NFX1: variants seen among roughly 807,000 people sequenced by gnomAD.
NFX1 encodes transcriptional repressor NF-X1.
A neutral mutation model predicts 137.2 loss-of-function variants in NFX1; 69 were observed. That is an observed-to-expected ratio of 0.50 (90% CI 0.41 to 0.61). The LOEUF is 0.61. Among genes scored for constraint, NFX1 ranks in the 20% least tolerant of loss-of-function variants. NFX1 has a pLI of 0.00. For synonymous variants in NFX1, 495 were observed against 474.1 expected (o/e 1.04, Z -0.57); for missense variants, 1,167 against 1,391.0 (o/e 0.84, Z 2.56).
chr9:33,317,168 C>T (rs1378751524), intron 7 of NFX1, among the ~76,000 whole-genome samples: 1 of 151,864 alleles, frequency 6.6e-6, no homozygotes, highest in Non-Finnish European at 1.5e-5. Context: ...CCTGTAATCC[C>T]AGCACTTTAG....
Position 33,318,979 on chromosome 9 carries a change from G to A in NFX1, c.1758G>A (p.Arg586=), listed in dbSNP as rs144117681. The change falls in exon 9 of 24, where the codon CGG becomes CGA. Residue 586 remains arginine, a synonymous_variant. Transcript: ENST00000379540. ...CTCAGCCCTGCCAGCAATGCCCACGGCTCCCCCAGCTGGTGCGCTGTTGCC... is the reference window on the plus strand; with the variant it reads ...CTCAGCCCTGCCAGCAATGCCCACGACTCCCCCAGCTGGTGCGCTGTTGCC... ...CHPQPCQQCP[R]LPQLVRCCPC... 178 of 1,614,216 alleles carry A rather than the reference G, an allele frequency of 1.1e-4. No individual in the cohort carries two copies. Among genetic ancestry groups the A allele is most frequent in the Admixed American group, 1.5e-4 (9 of 60,022 alleles).
Position 33,351,667 on chromosome 9 carries a change from G to A in NFX1, c.2532G>A (p.Gly844=), listed in dbSNP as rs927431676. The A allele has an allele frequency of 5.6e-6, 9 of 1,613,970 alleles. No homozygotes were observed. The highest frequency in any genetic ancestry group is 7.6e-6 in the Non-Finnish European group (9 of 1,180,014). ...MHKCQRLCHK[G]ECLVDEPCKQ... The stretch of plus-strand genomic sequence containing the variant: ...AATGTCAGAGACTCTGTCACAAAGG[G>A]GAGTGTCTTGTGGATGAGCCCTGCA... Residue 844 remains glycine (G), a synonymous_variant, in exon 16 of 24, where the codon GGG becomes GGA. Transcript: ENST00000379540.
chr9:33,318,752 C>G lies in NFX1; in HGVS notation c.1610C>G (p.Ser537Cys). 6.2e-7 allele frequency: 1 copy of G among 1,614,112 alleles called. No individual in the cohort carries two copies. Among genetic ancestry groups the G allele is most frequent in the Non-Finnish European group, 8.5e-7 (1 of 1,180,026 alleles). ...LNQVCYCGST[S>C]RDVLCGTDVG... ...CAAGTATGCTATTGCGGCAGCACCT[C>G]CCGAGATGTGTTATGTGGAACCGAT... Residue 537 changes from serine (S) to cysteine (C), a missense_variant, in exon 8 of 24, where the codon TCC becomes TGC. This residue lies in a region of NFX1 where 488 missense variants were observed against 691.5 expected (regional missense o/e 0.71). Coordinates refer to ENST00000379540, the MANE Select transcript of NFX1 (RefSeq NM_002504.6).
intron 15 of NFX1, among the ~76,000 whole-genome samples, chr9:33,350,055 A>G (rs960572247): frequency 2.6e-5 from 4 of 152,036 alleles, no homozygotes; most frequent in African/African-American, 9.7e-5. Flanking sequence ...TGTAATCCCA[A>G]CACTTTGATA....
chr9:33,339,404 A>G (rs1051491187), intron 12 of NFX1, among the ~76,000 whole-genome samples: 3 of 152,186 alleles, frequency 2.0e-5, no homozygotes, highest in African/African-American at 7.2e-5. Context: ...AGACTTATTC[A>G]CTATCACGAG....
At chr9:33,301,590 C>T (rs1292846671) in intron 3 of NFX1, among the ~76,000 whole-genome samples, 169 bp downstream of exon 3, 1 of 152,104 alleles carries the variant, frequency 6.6e-6, no homozygotes, top group African/African-American at 2.4e-5. Flanking sequence ...AGTTATAGAT[C>T]TTAAATAAAC....
chr9:33,339,539 G>A (rs1314754118), intron 12 of NFX1, among the ~76,000 whole-genome samples: 1 of 152,068 alleles, frequency 6.6e-6, no homozygotes, highest in Non-Finnish European at 1.5e-5. Flanking sequence ...TCTGCCCCTG[G>A]CCCCTCCCAA....
At position 33,303,351 on chromosome 9, in the gene NFX1, T is replaced by A. The variant is rs12006301; in HGVS notation, c.1270+83T>A. On this transcript the variant is annotated intron_variant, in intron 4 of 23. Transcript: ENST00000379540. ...AGGAAAGGTGGTCTGCGGGGCATGT[T>A]TTAGAAGTTACTAATGAGACTTCAA... The A allele has an allele frequency of 3.2e-3, 3,714 of 1,174,866 alleles. 72 individuals are homozygous for A. In the African/African-American group the frequency reaches 0.045, roughly 14 times the overall value. The allele number at this position is 1,174,866 out of a possible 1,614,324, so 72.8% of individuals were successfully genotyped here.
intron 4 of NFX1, among the ~76,000 whole-genome samples, chr9:33,305,976 A>C (rs1821739495): frequency 6.6e-6 from 1 of 152,212 alleles, no homozygotes; most frequent in Non-Finnish European, 1.5e-5. Context: ...GAACACTTGC[A>C]GGGGAAAGAA....
intron 2 of NFX1, 64 bp from the exon 3 acceptor site, chr9:33,301,199 T>C: frequency 7.0e-7 from 1 of 1,436,020 alleles, no homozygotes; most frequent in African/African-American, 1.4e-5. Context: ...CCTTGGTTGA[T>C]TAAAGTGAGG....
Position 33,294,414 on chromosome 9 carries a change from T to A in NFX1, c.26-6T>A. ...TTTACTGGCATGTCTATTTTTTATG[T>A]CCTAGGTACTTTTAAATTCAATACA... On this transcript the variant is annotated splice_region_variant and splice_polypyrimidine_tract_variant and intron_variant, in intron 1 of 23. Coordinates refer to ENST00000379540, the MANE Select transcript of NFX1 (RefSeq NM_002504.6). 1 of 1,544,644 alleles carries A rather than the reference T, an allele frequency of 6.5e-7. No individual in the cohort carries two copies. Among genetic ancestry groups the A allele is most frequent in the Non-Finnish European group, 8.7e-7 (1 of 1,150,058 alleles).
chr9:33,296,811 CT>C (rs1821375135), intron 2 of NFX1, among the ~76,000 whole-genome samples: 1 of 152,206 alleles, frequency 6.6e-6, no homozygotes, highest in Admixed American at 6.5e-5. Flanking sequence ...AGCCCTCACG[CT>C]TATGTCTTTC....
chr9:33,295,117 C>T lies in NFX1; in HGVS notation c.723C>T (p.Tyr241=), dbSNP rs1211656448. Residue 241 remains tyrosine (Y), a synonymous_variant, in exon 2 of 24, where the codon TAC becomes TAT. Transcript: ENST00000379540. ...YGARRNEQRR[Y]PQKRPPWEVE... ...CCAGACGAAATGAGCAGAGAAGATA[C>T]CCACAGAAAAGGCCTCCCTGGGAAG... is the stretch of plus-strand genomic sequence containing the variant. The T allele has an allele frequency of 4.3e-6, 7 of 1,614,070 alleles. No individual in the cohort carries two copies. The South Asian group carries it at 6.6e-5, about 15-fold the overall frequency.
intron 11 of NFX1, among the ~76,000 whole-genome samples, chr9:33,334,657 G>T (rs150654226): frequency 6.6e-6 from 1 of 151,992 alleles, no homozygotes; most frequent in South Asian, 2.1e-4. Context: ...CTAGATTTAG[G>T]CTTATACTAA....
At position 33,364,783 on chromosome 9, in the gene NFX1, C is replaced by T. The variant is rs755008312; in HGVS notation, c.3039+9C>T. On this transcript the variant is annotated intron_variant, in intron 21 of 23. Coordinates refer to ENST00000379540, the MANE Select transcript of NFX1 (RefSeq NM_002504.6). ...TGGAGGCCGTGAATAAGGTTGAAGT[C>T]GAAACATCCCACTGGACATTTCTCT... 7 of 1,612,524 alleles carry T rather than the reference C, an allele frequency of 4.3e-6. No homozygotes were observed. The highest frequency in any genetic ancestry group is 2.2e-5 in the South Asian group (2 of 90,890).
In NFX1 at chr9:33,342,751, G is replaced by A. The variant is rs753589325; in HGVS notation, c.2121G>A (p.Lys707=). 1.2e-6 allele frequency: 2 copies of A among 1,608,690 alleles called. No individual in the cohort carries two copies. The highest frequency in any genetic ancestry group is 3.4e-5 in the Admixed American group (2 of 59,016). The change falls in exon 13 of 24, where the codon AAG becomes AAA. Residue 707 remains lysine, a synonymous_variant. Transcript: ENST00000379540. ...HKCNEICCVD[K]EHKCPLICGR... ...ATATAAATCTCTTTTCCCAGGATAA[G>A]GAGCACAAGTGTCCTTTGATTTGTG...
rs376521545 is a variant in NFX1, at chr9:33,342,882, A to G, written c.2224+28A>G. ...GAGTGTCTTTACTGTATAGTTTATT[A>G]GAAGAGTTTTTTAGAAATTCAGACA... On this transcript the variant is annotated intron_variant, in intron 13 of 23. Transcript: ENST00000379540. 49 of 1,472,018 alleles carry G rather than the reference A, an allele frequency of 3.3e-5. No homozygotes were observed. The African/African-American group carries it at 5.6e-4, about 17-fold the overall frequency. The allele number at this position is 1,472,018 out of a possible 1,614,324, so 91.2% of individuals were successfully genotyped here.
rs1178414468 is a variant in NFX1 at position 33,309,218 on chromosome 9, G to C, written c.1377-1888G>C. Among the ~76,000 whole-genome samples the C allele has an allele frequency of 3.3e-5, 5 of 152,140 alleles. No homozygotes were observed. In the East Asian group the frequency reaches 7.8e-4, roughly 24 times the overall value. ...TAAAAATATAAAAAATTAGCCGGGTGTGGTGGTGGGCACCTGTAGTCCCAC... is the reference window on the plus strand; with the variant it reads ...TAAAAATATAAAAAATTAGCCGGGTCTGGTGGTGGGCACCTGTAGTCCCAC... On this transcript the variant is annotated intron_variant, in intron 5 of 23. Coordinates refer to ENST00000379540, the MANE Select transcript of NFX1 (RefSeq NM_002504.6).
At chr9:33,340,639 C>A (rs931473195) in intron 12 of NFX1, among the ~76,000 whole-genome samples, 2 of 152,212 alleles carry the variant, frequency 1.3e-5, no homozygotes, top group African/African-American at 2.4e-5. Context: ...TGTCAGGCTG[C>A]AAATTTTCCA....
Sources: allele counts gnomAD v4.1 joint callset (sites outside exome capture counted in the v4.1 genomes callset), GRCh38; gene constraint gnomAD v4.1.1; regional missense constraint gnomAD v4.1.1; transcripts MANE v1.5; gene names NCBI Gene and HGNC (gene_info 2026-07-23, HGNC 2026-07-21).